The following CEP120 variants were observed in gnomAD, a reference collection of about 807,000 sequenced individuals.
CEP120 encodes the protein centrosomal protein of 120 kDa.
CEP120 carries 113 observed loss-of-function variants against 126.5 expected under a neutral mutation model. That is an observed-to-expected ratio of 0.89 (90% CI 0.77 to 1.04). The LOEUF (loss-of-function observed/expected upper bound fraction) is 1.04, where lower values mean the gene tolerates loss of function less well. CEP120 is among the 50% of genes least tolerant of loss of function. The probability of loss-of-function intolerance (pLI) is 0.00; values close to 1 mark genes in which losing one functional copy is unlikely to be tolerated. For synonymous variants in CEP120, 400 were observed against 394.3 expected (o/e 1.01, Z -0.17); for missense variants, 1,230 against 1,155.7 (o/e 1.06, Z -0.93).
chr5:123,380,275 C>T (rs1771545375), intron 14 of CEP120, among the ~76,000 whole-genome samples: 1 of 151,970 alleles, frequency 6.6e-6, no homozygotes, highest in African/African-American at 2.4e-5. Flanking sequence ...AAAAACTGAT[C>T]CCATGCAAGA....
chr5:123,389,811 T>G (rs1340254728), intron 8 of CEP120, 113 bp downstream of exon 8: 1 of 975,738 alleles, frequency 1.0e-6, no homozygotes, highest in Non-Finnish European at 1.5e-6. Flanking sequence ...TATTGGTTCT[T>G]AACAAACCCA....
intron 4 of CEP120, among the ~76,000 whole-genome samples, chr5:123,409,938 A>T (rs534467878): frequency 2.0e-5 from 3 of 148,546 alleles, no homozygotes; most frequent in East Asian, 4.0e-4. Context: ...CCTGGGTGAC[A>T]GAGTGAGATC....
intron 17 of CEP120, among the ~76,000 whole-genome samples, chr5:123,365,275 T>C (rs1770376119): frequency 6.6e-6 from 1 of 151,742 alleles, no homozygotes; most frequent in African/African-American, 2.4e-5. Context: ...TGATTATTTA[T>C]ACTTGCAGCA....
At position 123,390,098 on chromosome 5, in the gene CEP120, G is replaced by A. The variant is rs1409356450; in HGVS notation, c.1081C>T (p.His361Tyr). ...GGGGTTAAAACTTTCTTCTTTGAAT[G>A]CTCTGGCTCATGTTCATTCTGGGTC... ...LKTQNEHEPE[H>Y]SKKKVLTPIK... The change falls in exon 8 of 20, where the codon CAT (histidine) becomes TAT (tyrosine). Residue 361 changes from histidine (H) to tyrosine (Y), a missense_variant. Transcript: ENST00000306467. The A allele has an allele frequency of 3.1e-6, 5 of 1,613,824 alleles. No individual in the cohort carries two copies. Among genetic ancestry groups the A allele is most frequent in the Non-Finnish European group, 4.2e-6 (5 of 1,179,874 alleles).
intron 17 of CEP120, among the ~76,000 whole-genome samples, chr5:123,367,768 T>C (rs1009932449): frequency 6.6e-6 from 1 of 151,916 alleles, no homozygotes; most frequent in East Asian, 1.9e-4. Flanking sequence ...TTTAGACAAT[T>C]TCAGTAAAAA....
At position 123,365,579 on chromosome 5, in the gene CEP120, T is replaced by G. The variant is rs80259812; in HGVS notation, c.2482-985A>C. 3.8e-3 allele frequency among the ~76,000 whole-genome samples: 576 copies of G among 151,798 alleles called. 3 individuals are homozygous for G. Among genetic ancestry groups the G allele is most frequent in the African/African-American group, 0.013 (555 of 41,482 alleles). On this transcript the variant is annotated intron_variant, in intron 17 of 19. Coordinates refer to ENST00000306467, the MANE Select transcript of CEP120 (RefSeq NM_001375405.1). ...TCTTCTGCAGTAATATATGACTACA[T>G]GGAGTCAAGGTCTTTTCTGCTTTAC...
intron 2 of CEP120, 88 bp downstream of exon 2, chr5:123,418,271 C>G (rs1232481187): frequency 8.2e-7 from 1 of 1,218,746 alleles, no homozygotes; most frequent in Non-Finnish European, 1.1e-6. Flanking sequence ...CTTCTGGTCC[C>G]AAGTATTAAA....
chr5:123,420,067 T>TA (rs1206391704), intron 1 of CEP120, among the ~76,000 whole-genome samples: 1 of 152,188 alleles, frequency 6.6e-6, no homozygotes, highest in East Asian at 1.9e-4. Flanking sequence ...CCTTGTGAGT[T>TA]AAAGCCTGAG....
In CEP120 at chr5:123,406,069, G is replaced by A. The variant is rs116759985; in HGVS notation, c.463+6330C>T. Among the ~76,000 whole-genome samples, 891 of 152,150 alleles carry A rather than the reference G, an allele frequency of 5.9e-3. 7 individuals are homozygous for A. The highest frequency in any genetic ancestry group is 0.02 in the African/African-American group (843 of 41,522). ...TACTAAAACAGAAATGAATGACTAT[G>A]AGAATTGGTTCATTAGTAGGTGGGA... On this transcript the variant is annotated intron_variant, in intron 4 of 19. Transcript: ENST00000306467.
intron 9 of CEP120, among the ~76,000 whole-genome samples, chr5:123,388,138 A>C (rs1772145888): frequency 6.6e-6 from 1 of 152,096 alleles, no homozygotes; most frequent in African/African-American, 2.4e-5. Flanking sequence ...ACTGTACTTT[A>C]TATGGCATAT....
intron 16 of CEP120, among the ~76,000 whole-genome samples, chr5:123,373,447 C>T (rs796978299): frequency 4.6e-5 from 7 of 151,984 alleles, no homozygotes; most frequent in Non-Finnish European, 1.0e-4. Flanking sequence ...GAGTTGAGGA[C>T]GAACAATCAG....
At chr5:123,361,378 G>A (rs1386713675) in intron 18 of CEP120, among the ~76,000 whole-genome samples, 2 of 151,718 alleles carry the variant, frequency 1.3e-5, no homozygotes, top group East Asian at 3.9e-4. Context: ...GTCCTCCTAG[G>A]TGAACAACTG....
intron 7 of CEP120, 148 bp from the exon 8 acceptor site, chr5:123,390,288 C>T (rs1772309145): frequency 1.4e-6 from 1 of 723,356 alleles, no homozygotes; most frequent in East Asian, 2.7e-5. Context: ...TTGCAAATTT[C>T]CTTATAGCAT....
In CEP120 at chr5:123,350,004, T is replaced by C. The variant is rs1769097212; in HGVS notation, c.2666A>G (p.Glu889Gly). The change falls in exon 19 of 20, where the codon GAA becomes GGA. Residue 889 changes from glutamate to glycine, a missense_variant. Glu to Gly is a moderately conservative substitution (Grantham distance 98, BLOSUM62 -2). Transcript: ENST00000306467. ...TCGCTCGGTTTTTACTGTATCTTTT[T>C]CCTCAGCGGCAAGGTAACGTAGTCT... The part of the protein sequence containing the change: ...QMRLRYLAAE[E>G]KDTVKTERQE... 6.2e-7 allele frequency: 1 copy of C among 1,613,866 alleles called. No homozygotes were observed. The highest frequency in any genetic ancestry group is 2.2e-5 in the East Asian group (1 of 44,808).
At chr5:123,356,008 C>T (rs865892507) in intron 18 of CEP120, among the ~76,000 whole-genome samples, 15 of 151,422 alleles carry the variant, frequency 9.9e-5, no homozygotes, top group African/African-American at 2.9e-4. Flanking sequence ...CTAGCCAGTT[C>T]TCCCAGCACC....
intron 18 of CEP120, among the ~76,000 whole-genome samples, chr5:123,356,922 C>A (rs1441079365): frequency 2.0e-5 from 3 of 151,028 alleles, no homozygotes; most frequent in Non-Finnish European, 4.4e-5. Context: ...TCAAAGCTTT[C>A]ATTTGGGATC....
chr5:123,402,130 G>A, intron 4 of CEP120: 1 of 1,583,244 alleles, frequency 6.3e-7, no homozygotes, highest in Non-Finnish European at 8.7e-7. Context: ...GGGCTCAGCA[G>A]GCTCTGGTTG....
At chr5:123,357,724 C>T (rs1769746716) in intron 18 of CEP120, among the ~76,000 whole-genome samples, 1 of 152,064 alleles carries the variant, frequency 6.6e-6, no homozygotes, top group South Asian at 2.1e-4. Flanking sequence ...CACCACTGCC[C>T]TCCAACTTGG....
In CEP120 at chr5:123,402,380, G is replaced by T. The variant is rs1773316841; in HGVS notation, c.464-3096C>A. On this transcript the variant is annotated intron_variant, in intron 4 of 19. Coordinates refer to ENST00000306467, the MANE Select transcript of CEP120 (RefSeq NM_001375405.1). ...AGTGGAGGCAGGCGGGCCGAACCAG[G>T]CAGAGATCCTAGAAGGAGCGGAGAA... 8 of 1,361,458 alleles carry T rather than the reference G, an allele frequency of 5.9e-6. No homozygotes were observed. In the Admixed American group the frequency reaches 8.1e-5, roughly 14 times the overall value. 84.3% of individuals were successfully genotyped at this position (1,361,458 alleles called of 1,614,324 possible). A position where few individuals can be genotyped will look rare whatever the true frequency, so the allele number is the denominator to read the frequency against.
Sources: gnomAD v4.1 joint callset for allele counts (sites outside exome capture counted in the v4.1 genomes callset) on GRCh38, gnomAD v4.1.1 for gene constraint, MANE v1.5 for transcripts, NCBI Gene and HGNC (gene_info 2026-07-23, HGNC 2026-07-21) for gene names.